Variants in ARSB observed in about 807,000 individuals in gnomAD.
The protein encoded by ARSB is N-acetylgalactosamine-4-sulfatase.
Under a neutral mutation model 50.9 loss-of-function variants are expected in ARSB, and 41 were observed. The ratio of observed to expected loss-of-function variants is 0.81; its 90% CI spans 0.63 to 1.04. ARSB has a LOEUF of 1.04. Ranked by LOEUF, ARSB falls within the 50% of genes least tolerant of loss-of-function variation. The pLI is 0.00. For synonymous variants in ARSB, 269 were observed against 284.8 expected (o/e 0.94, Z 0.56); for missense variants, 672 against 693.3 (o/e 0.97, Z 0.35).
At chr5:78,909,913 G>C (rs533799782) in intron 4 of ARSB, among the ~76,000 whole-genome samples, 2 of 152,336 alleles carry the variant, frequency 1.3e-5, no homozygotes, top group Admixed American at 6.5e-5. Flanking sequence ...TTGTACATTT[G>C]TTCAATTCTG....
At chr5:78,822,948 T>C (rs1367893674) in intron 6 of ARSB, among the ~76,000 whole-genome samples, 1 of 152,212 alleles carries the variant, frequency 6.6e-6, no homozygotes, top group East Asian at 1.9e-4. Flanking sequence ...TAATCCTGTT[T>C]TAATGTCTAT....
At chr5:78,851,234 T>A (rs1457226012) in intron 5 of ARSB, among the ~76,000 whole-genome samples, 2 of 152,254 alleles carry the variant, frequency 1.3e-5, no homozygotes, top group African/African-American at 2.4e-5. Flanking sequence ...GCTTTGAATG[T>A]GTCCCAGAGA....
At chr5:78,980,121 T>C (rs1045445334) in intron 1 of ARSB, among the ~76,000 whole-genome samples, 5 of 152,204 alleles carry the variant, frequency 3.3e-5, no homozygotes, top group Non-Finnish European at 5.9e-5. Flanking sequence ...TGACTGCTAA[T>C]AGTTGAGTGG....
chr5:78,799,528 A>G (rs540650856), intron 6 of ARSB, among the ~76,000 whole-genome samples: 1 of 152,304 alleles, frequency 6.6e-6, no homozygotes, highest in South Asian at 2.1e-4. Context: ...CCTTCCCCTG[A>G]TGCTGGTGCT....
chr5:78,881,180 CAAGAT>C (rs1747731493), intron 5 of ARSB, among the ~76,000 whole-genome samples: 1 of 151,584 alleles, frequency 6.6e-6, no homozygotes, highest in Non-Finnish European at 1.5e-5. Flanking sequence ...CGCAGTGAGC[CAAGAT>C]CATATCACTG....
At chr5:78,822,021 A>G (rs1369746807) in intron 6 of ARSB, among the ~76,000 whole-genome samples, 1 of 152,242 alleles carries the variant, frequency 6.6e-6, no homozygotes, top group African/African-American at 2.4e-5. Flanking sequence ...GATCTATGGA[A>G]CATTTATTTC....
chr5:78,851,013 C>T (rs1745745816), intron 5 of ARSB, among the ~76,000 whole-genome samples: 1 of 152,138 alleles, frequency 6.6e-6, no homozygotes, highest in Non-Finnish European at 1.5e-5. Flanking sequence ...AAAACCAGCT[C>T]CTGGATTCAT....
intron 4 of ARSB, among the ~76,000 whole-genome samples, chr5:78,893,226 C>A (rs545244760): frequency 6.0e-4 from 92 of 152,226 alleles, no homozygotes; most frequent in African/African-American, 2.1e-3. Context: ...ATTGTGAGGT[C>A]TCCCAAGCCA....
At chr5:78,984,854 C>G in intron 1 of ARSB, 83 bp downstream of exon 1, 1 of 1,130,088 alleles carries the variant, frequency 8.8e-7, no homozygotes, top group East Asian at 3.6e-5. Flanking sequence ...CCAGCGCCCG[C>G]GGCCTCAAGG....
chr5:78,924,661 G>A (rs1387323978), intron 4 of ARSB, among the ~76,000 whole-genome samples: 1 of 152,184 alleles, frequency 6.6e-6, no homozygotes, highest in Admixed American at 6.5e-5. Context: ...AAATCAAAAA[G>A]TGATATAAAG....
rs145701481 is a variant in ARSB at position 78,947,152 on chromosome 5, C to A, written c.898+8143G>T. ...ATCAAAATGGATTAAAGACTTAAGT[C>A]TAAGAACACAAACTATGCAACTACT... On this transcript the variant is annotated intron_variant, in intron 4 of 7. Transcript: ENST00000264914. Among the ~76,000 whole-genome samples the A allele has an allele frequency of 2.7e-3, 413 of 152,236 alleles. 2 individuals carry two copies. The highest frequency in any genetic ancestry group is 9.6e-3 in the African/African-American group (400 of 41,560).
In ARSB at chr5:78,839,506, C is replaced by G. The variant is rs1278867546; in HGVS notation, c.1143-80G>C. 4 of 1,332,092 alleles carry G rather than the reference C, an allele frequency of 3.0e-6. No individual in the cohort carries two copies. In the African/African-American group the frequency reaches 5.8e-5, roughly 19 times the overall value. 82.5% of individuals were successfully genotyped at this position (1,332,092 alleles called of 1,614,324 possible). On this transcript the variant is annotated intron_variant, in intron 5 of 7. Coordinates refer to ENST00000264914, the MANE Select transcript of ARSB (RefSeq NM_000046.5). ...TATTTTAATACTTCCCTTCCTTGTACTTATAGGAAATAACAAACCTGCCAG... is the reference window on the plus strand; with the variant it reads ...TATTTTAATACTTCCCTTCCTTGTAGTTATAGGAAATAACAAACCTGCCAG...
In ARSB at chr5:78,985,008, G is replaced by A. The variant is rs755284592; in HGVS notation, c.241C>T (p.Leu81Phe). Residue 81 changes from leucine to phenylalanine, a missense_variant, in exon 1 of 8, where the codon CTC becomes TTC. Leu to Phe is a conservative substitution (Grantham distance 22). Coordinates refer to ENST00000264914, the MANE Select transcript of ARSB (RefSeq NM_000046.5). ...GGCTGCGTGTAGTAGTTGTCCAGGA[G>A]CACCCCGCCGGCCGCCAGCGCGTCC... ...HLDALAAGGV[L>F]LDNYYTQPLC... 6.5e-7 allele frequency: 1 copy of A among 1,538,328 alleles called. No homozygotes were observed.
intron 5 of ARSB, among the ~76,000 whole-genome samples, chr5:78,842,894 A>C (rs964792333): frequency 6.7e-5 from 10 of 150,140 alleles, no homozygotes; most frequent in African/African-American, 2.4e-4. Context: ...ATGTTCATCT[A>C]TCCTTCTGTT....
intron 5 of ARSB, among the ~76,000 whole-genome samples, chr5:78,848,635 G>T (rs1745581044): frequency 6.6e-6 from 1 of 151,856 alleles, no homozygotes; most frequent in African/African-American, 2.4e-5. Flanking sequence ...GATCCCTGAG[G>T]AATCATCACA....
intron 4 of ARSB, among the ~76,000 whole-genome samples, chr5:78,897,649 A>G (rs1165609311): frequency 6.6e-6 from 1 of 152,166 alleles, no homozygotes; most frequent in Non-Finnish European, 1.5e-5. Context: ...GGCCCATGGG[A>G]GTGGCATAAA....
chr5:78,940,105 C>A (rs1171591451), intron 4 of ARSB, among the ~76,000 whole-genome samples: 7 of 152,186 alleles, frequency 4.6e-5, no homozygotes, highest in African/African-American at 1.7e-4. Context: ...TGTTCATATC[C>A]TTCGCCCACT....
chr5:78,785,350 C>T (rs1749048904), intron 6 of ARSB, among the ~76,000 whole-genome samples: 1 of 152,118 alleles, frequency 6.6e-6, no homozygotes, highest in Non-Finnish European at 1.5e-5. Context: ...GGGCTCAATG[C>T]TCTGTATATC....
At chr5:78,910,796 C>A (rs79235503) in intron 4 of ARSB, among the ~76,000 whole-genome samples, 1,923 of 152,300 alleles carry the variant, frequency 0.013, 39 homozygotes, top group African/African-American at 0.043. Flanking sequence ...TGTGTCGAAT[C>A]ACCTAGAAGT....
Sources: allele counts gnomAD v4.1 joint callset (sites outside exome capture counted in the v4.1 genomes callset), GRCh38; gene constraint gnomAD v4.1.1; transcripts MANE v1.5; gene names NCBI Gene and HGNC (gene_info 2026-07-23, HGNC 2026-07-21).